The following EVC variants were observed in gnomAD, a reference collection of about 807,000 sequenced individuals.
The protein encoded by EVC is evC complex member EVC.
Under a neutral mutation model 118.9 loss-of-function variants are expected in EVC, and 116 were observed. The observed-to-expected ratio is 0.98, with a 90% CI of 0.84 to 1.14. The LOEUF is 1.14. Ranked by LOEUF, EVC falls within the 50% of genes most tolerant of loss-of-function variation. The pLI is 0.00. For synonymous variants in EVC, 619 were observed against 534.7 expected, an observed-to-expected ratio of 1.16 and a Z score of -2.18; for missense variants, 1,401 against 1,246.4, an observed-to-expected ratio of 1.12 and a Z score of -1.87.
chr4:5,741,145 A>G (rs1728506722), intron 5 of EVC, among the ~76,000 whole-genome samples: 1 of 152,238 alleles, frequency 6.6e-6, no homozygotes, highest in African/African-American at 2.4e-5. Context: ...TCACAGCAGC[A>G]TTGTTCATAA....
At chr4:5,739,971 A>T (rs1577388691) in intron 5 of EVC, among the ~76,000 whole-genome samples, 1 of 151,960 alleles carries the variant, frequency 6.6e-6, no homozygotes, top group East Asian at 1.9e-4. Context: ...AAATGACCAT[A>T]TTATATCTAA....
At chr4:5,800,235 C>T (rs563973670) in intron 15 of EVC, among the ~76,000 whole-genome samples, 1 of 152,258 alleles carries the variant, frequency 6.6e-6, no homozygotes. Context: ...ATCCCAGCTA[C>T]TCGGGAGGCT....
At chr4:5,780,980 T>C (rs944645271) in intron 11 of EVC, among the ~76,000 whole-genome samples, 1 of 152,190 alleles carries the variant, frequency 6.6e-6, no homozygotes, top group Non-Finnish European at 1.5e-5. Flanking sequence ...TGTGAAATGT[T>C]GTCTACCAGG....
chr4:5,739,417 G>A (rs1348559080), intron 5 of EVC, among the ~76,000 whole-genome samples: 1 of 152,140 alleles, frequency 6.6e-6, no homozygotes, highest in Non-Finnish European at 1.5e-5. Context: ...TGTGTGGCAG[G>A]AGGCAAGTGG....
chr4:5,822,162 G>A, the EVC span, among the ~76,000 whole-genome samples: 3 of 152,236 alleles, frequency 2.0e-5, no homozygotes, highest in Non-Finnish European at 2.9e-5. Context: ...CTGTGTGCAG[G>A]CGCACATTTG....
rs778599838 is a variant in EVC at position 5,753,827 on chromosome 4, C to G, written c.1358C>G (p.Ala453Gly). ...RGKDLVTASL[A>G]HQVEGTAKLT... ...AAAGACCTGGTCACGGCGTCTCTGG[C>G]TCACCAGGTGGAGGGAACGGCAAAA... Residue 453 changes from alanine (A) to glycine (G), a missense_variant, in exon 10 of 21, where the codon GCT becomes GGT. Coordinates refer to ENST00000264956, the MANE Select transcript of EVC (RefSeq NM_153717.3). 8 of 1,614,022 alleles carry G rather than the reference C, an allele frequency of 5.0e-6. No individual in the cohort carries two copies. In the East Asian group the frequency reaches 1.6e-4, roughly 31 times the overall value.
chr4:5,792,601 C>G (rs1434035841), intron 12 of EVC, among the ~76,000 whole-genome samples: 1 of 152,182 alleles, frequency 6.6e-6, no homozygotes, highest in Non-Finnish European at 1.5e-5. Context: ...ACAACACAGT[C>G]AGTTAGGATG....
intron 5 of EVC, among the ~76,000 whole-genome samples, chr4:5,736,538 G>A (rs370262664): frequency 1.1e-4 from 16 of 149,880 alleles, no homozygotes; most frequent in African/African-American, 3.2e-4. Context: ...AAATTGAAGG[G>A]TTTTGGCAAC....
the EVC span, among the ~76,000 whole-genome samples, chr4:5,827,060 T>G: frequency 6.6e-6 from 1 of 152,142 alleles, no homozygotes; most frequent in Non-Finnish European, 1.5e-5. Context: ...CTGATGCAGG[T>G]CTCTCCTTCA....
chr4:5,742,407 C>T lies in EVC; in HGVS notation c.801+593C>T, dbSNP rs1004468159. Among the ~76,000 whole-genome samples the T allele has an allele frequency of 2.0e-5, 3 of 152,162 alleles. No homozygotes were observed. The highest frequency in any genetic ancestry group is 7.2e-5 in the African/African-American group (3 of 41,446). On this transcript the variant is annotated intron_variant, in intron 6 of 20. Transcript: ENST00000264956. This position sits in a 1 kb window ranked among gnomAD's most constrained non-coding sequence, Gnocchi z 5.2. ...CTGCTGTCATCCTCATTATCACAAC[C>T]ACCACCAAAATCATCATCATCTTCA...
At chr4:5,771,474 G>A (rs1191306276) in intron 11 of EVC, among the ~76,000 whole-genome samples, 1 of 152,090 alleles carries the variant, frequency 6.6e-6, no homozygotes, top group African/African-American at 2.4e-5. Flanking sequence ...CCTTAACTCA[G>A]TCCCACCTGC....
rs529539067 is a variant in EVC at position 5,755,539 on chromosome 4, C to T, written c.1465-725C>T. Among the ~76,000 whole-genome samples, 5 of 152,100 alleles carry T rather than the reference C, an allele frequency of 3.3e-5. No homozygotes were observed. Among genetic ancestry groups the T allele is most frequent in the Admixed American group, 2.0e-4 (3 of 15,272 alleles). On this transcript the variant is annotated intron_variant, in intron 10 of 20. Coordinates refer to ENST00000264956, the MANE Select transcript of EVC (RefSeq NM_153717.3). The surrounding 1 kb of genome is among the most constrained non-coding windows in gnomAD (Gnocchi z 4.1). ...CTTCTCTCTCATCTCACCTCCTGCC[C>T]GTAGCATCACCAAAGATCTTAGGGG...
the EVC span, among the ~76,000 whole-genome samples, chr4:5,822,486 G>C: frequency 7.5e-6 from 1 of 132,584 alleles, no homozygotes; most frequent in Non-Finnish European, 1.5e-5. Context: ...GCGATAGGTG[G>C]ATCTGAAGGG....
chr4:5,825,012 T>C, the EVC span: 1 of 984,966 alleles, frequency 1.0e-6, no homozygotes. This position sits in a 1 kb window ranked among gnomAD's most constrained non-coding sequence, Gnocchi z 4.4. Context: ...TTTAAATAAA[T>C]AGGGTATAAT....
In EVC at chr4:5,748,323, C is replaced by T. The variant is rs764011269; in HGVS notation, c.1098+17C>T. 2.4e-5 allele frequency: 38 copies of T among 1,612,600 alleles called. No individual in the cohort carries two copies. The highest frequency in any genetic ancestry group is 1.6e-4 in the Middle Eastern group (1 of 6,068). ...CAGGCTCTGGTAATGCTGGAGGGGG[C>T]GGGAGGGAACATAAAGATATTCAGA... is the stretch of plus-strand genomic sequence containing the variant. On this transcript the variant is annotated intron_variant, in intron 8 of 20. Coordinates refer to ENST00000264956, the MANE Select transcript of EVC (RefSeq NM_153717.3).
intron 12 of EVC, among the ~76,000 whole-genome samples, chr4:5,788,553 A>AC (rs1337798517): frequency 6.6e-6 from 1 of 152,334 alleles, no homozygotes; most frequent in Non-Finnish European, 1.5e-5. Context: ...AACCTGCCTT[A>AC]CCCACAGCCT....
chr4:5,714,181 C>T (rs941754413), intron 1 of EVC, among the ~76,000 whole-genome samples: 1 of 152,260 alleles, frequency 6.6e-6, no homozygotes, highest in African/African-American at 2.4e-5. Flanking sequence ...TAACCTTCCA[C>T]GCTAGATCAG....
At chr4:5,775,498 G>A (rs555615209) in intron 11 of EVC, among the ~76,000 whole-genome samples, 2 of 152,256 alleles carry the variant, frequency 1.3e-5, no homozygotes, top group South Asian at 2.1e-4. Context: ...TTGTTGTGCA[G>A]CTTTGGCAGT....
chr4:5,793,782 G>A, intron 13 of EVC, 65 bp downstream of exon 13: 1 of 1,271,858 alleles, frequency 7.9e-7, no homozygotes. Flanking sequence ...CAGCCTCAGT[G>A]TCCTCATCTG....
Sources: gnomAD v4.1 joint callset for allele counts (sites outside exome capture counted in the v4.1 genomes callset) on GRCh38, gnomAD v4.1.1 for gene constraint, Gnocchi (gnomAD v3.1) non-coding constraint, MANE v1.5 for transcripts, NCBI Gene and HGNC (gene_info 2026-07-23, HGNC 2026-07-21) for gene names.